GRM8: variants seen among roughly 807,000 people sequenced by gnomAD.
The protein encoded by GRM8 is glutamate metabotropic receptor 8.
A neutral mutation model predicts 87.2 loss-of-function variants in GRM8; 47 were observed. The ratio of observed to expected loss-of-function variants is 0.54; its 90% CI spans 0.43 to 0.69. The LOEUF is 0.69. Among genes scored for constraint, GRM8 ranks in the 30% least tolerant of loss-of-function variants. GRM8 has a pLI of 0.00. For missense variants in GRM8, 1,019 were observed against 1,139.2 expected, an observed-to-expected ratio of 0.89 and a Z score of 1.52; for synonymous variants, 396 against 404.5, an observed-to-expected ratio of 0.98 and a Z score of 0.25.
intron 9 of GRM8, among the ~76,000 whole-genome samples, chr7:126,463,442 A>G (rs1804122905): frequency 6.6e-6 from 1 of 151,606 alleles, no homozygotes; most frequent in Non-Finnish European, 1.5e-5. Context: ...ATGAAATTAC[A>G]GTATCCTCAG....
chr7:126,830,022 A>T (rs1159437812), intron 6 of GRM8, among the ~76,000 whole-genome samples: 1 of 152,152 alleles, frequency 6.6e-6, no homozygotes. Flanking sequence ...AGAATGTTGA[A>T]TATTGGCCCC....
rs3038866 is a variant in GRM8, at chr7:126,816,732, T to TTGTGTGTG, written c.1157-46675_1157-46668dup. Among the ~76,000 whole-genome samples, 497 of 145,928 alleles carry TTGTGTGTG rather than the reference T, an allele frequency of 3.4e-3. 3 individuals are homozygous for TTGTGTGTG. Among genetic ancestry groups the TTGTGTGTG allele is most frequent in the African/African-American group, 0.011 (445 of 39,326 alleles). ...ACCTAATGTGAGATAGTATATGATT[T>TTGTGTGTG]TGTGTGTGTGTGTGTGTGTGTGTGT... On this transcript the variant is annotated intron_variant, in intron 6 of 10. Coordinates refer to ENST00000339582, the MANE Select transcript of GRM8 (RefSeq NM_000845.3).
chr7:126,851,941 A>G, intron 6 of GRM8, among the ~76,000 whole-genome samples: 1 of 152,180 alleles, frequency 6.6e-6, no homozygotes, highest in East Asian at 1.9e-4. Flanking sequence ...CTGTATAAAG[A>G]GTACTCAGTA....
intron 7 of GRM8, among the ~76,000 whole-genome samples, chr7:126,742,815 T>G (rs1205964795): frequency 1.3e-5 from 2 of 152,126 alleles, no homozygotes; most frequent in Non-Finnish European, 2.9e-5. Context: ...CTAATTCTGG[T>G]CACTAGTTAA....
chr7:126,966,889 G>T (rs1286849792), intron 3 of GRM8, among the ~76,000 whole-genome samples: 1 of 152,178 alleles, frequency 6.6e-6, no homozygotes. Flanking sequence ...AAGTCATGGG[G>T]CAGGAACAGC....
intron 9 of GRM8, among the ~76,000 whole-genome samples, chr7:126,484,497 G>A (rs570108726): frequency 9.2e-5 from 14 of 152,104 alleles, no homozygotes; most frequent in East Asian, 1.9e-4. Context: ...ACGTCTAGAC[G>A]AATTTAAAGT....
At chr7:126,527,597 G>A (rs772118047) in intron 9 of GRM8, among the ~76,000 whole-genome samples, 2 of 152,104 alleles carry the variant, frequency 1.3e-5, no homozygotes, top group African/African-American at 2.4e-5. Flanking sequence ...CACTATTTCC[G>A]CAGGATTTTC....
intron 1 of GRM8, among the ~76,000 whole-genome samples, chr7:127,247,733 A>C (rs1798652165): frequency 6.6e-6 from 1 of 152,156 alleles, no homozygotes. Flanking sequence ...CTGTGAAACG[A>C]GTGAGATGGA....
At chr7:126,670,608 A>T (rs2151304893) in intron 7 of GRM8, among the ~76,000 whole-genome samples, 1 of 152,340 alleles carries the variant, frequency 6.6e-6, no homozygotes, top group East Asian at 1.9e-4. Context: ...TACAACTTTA[A>T]CAGGTACTTT....
chr7:127,033,287 C>T (rs17869778), intron 3 of GRM8, among the ~76,000 whole-genome samples: 2,393 of 151,934 alleles, frequency 0.016, 71 homozygotes, highest in African/African-American at 0.055. Context: ...AAATCTTCAG[C>T]TTTTAATTTT....
In GRM8 at chr7:126,831,372, G is replaced by A. The variant is rs557579373; in HGVS notation, c.1157-61307C>T. ...GGGCTCCACCCAGTTCGAGCTTCCC[G>A]GCTGCTTTGTTTACCTAAGCAAGCC... On this transcript the variant is annotated intron_variant, in intron 6 of 10. Coordinates refer to ENST00000339582, the MANE Select transcript of GRM8 (RefSeq NM_000845.3). 5.4e-3 allele frequency among the ~76,000 whole-genome samples: 825 copies of A among 152,288 alleles called. 6 individuals carry two copies. Among genetic ancestry groups the A allele is most frequent in the Middle Eastern group, 0.02 (6 of 294 alleles).
chr7:126,728,493 C>G (rs73720748), intron 7 of GRM8, among the ~76,000 whole-genome samples: 3,673 of 152,154 alleles, frequency 0.024, 150 homozygotes, highest in African/African-American at 0.084. Flanking sequence ...TTCCAATTGT[C>G]TTCTCAATCT....
At chr7:127,005,510 G>C (rs1814195870) in intron 3 of GRM8, among the ~76,000 whole-genome samples, 1 of 151,738 alleles carries the variant, frequency 6.6e-6, no homozygotes, top group Non-Finnish European at 1.5e-5. Flanking sequence ...AGGCCAGGCT[G>C]TGAACTATTT....
intron 5 of GRM8, among the ~76,000 whole-genome samples, chr7:126,903,599 C>T: frequency 8.2e-6 from 1 of 122,298 alleles, no homozygotes; most frequent in African/African-American, 3.1e-5. Context: ...CACACACACA[C>T]ACTATATACA....
In GRM8 at chr7:126,944,460, G is replaced by C. The variant is rs114877564; in HGVS notation, c.728-39777C>G. Among the ~76,000 whole-genome samples the C allele has an allele frequency of 4.5e-3, 690 of 152,286 alleles. 6 individuals carry two copies. The highest frequency in any genetic ancestry group is 0.016 in the African/African-American group (663 of 41,554). On this transcript the variant is annotated intron_variant, in intron 3 of 10. Coordinates refer to ENST00000339582, the MANE Select transcript of GRM8 (RefSeq NM_000845.3). The stretch of plus-strand genomic sequence containing the variant: ...ATGAGGGCTGCACAGGCTTTGAGGA[G>C]AGGATTGGGAAACCCCCAACGCAGC...
intron 3 of GRM8, among the ~76,000 whole-genome samples, chr7:126,966,253 G>A (rs1809850736): frequency 1.3e-5 from 2 of 152,030 alleles, no homozygotes; most frequent in Non-Finnish European, 2.9e-5. Flanking sequence ...TCCCACCTCA[G>A]CCCCACAAGT....
At chr7:126,503,193 A>G (rs1033309878) in intron 9 of GRM8, among the ~76,000 whole-genome samples, 4 of 151,990 alleles carry the variant, frequency 2.6e-5, no homozygotes, top group African/African-American at 9.7e-5. Context: ...TGGGGGAATG[A>G]GGCTCACATG....
intron 2 of GRM8, among the ~76,000 whole-genome samples, chr7:127,225,874 A>T (rs1797289524): frequency 6.6e-6 from 1 of 151,724 alleles, no homozygotes; most frequent in Non-Finnish European, 1.5e-5. Flanking sequence ...GTGTTTCTAG[A>T]CCCTTAACTT....
intron 9 of GRM8, among the ~76,000 whole-genome samples, chr7:126,499,051 T>C (rs1369767717): frequency 1.3e-5 from 2 of 151,976 alleles, no homozygotes; most frequent in African/African-American, 2.4e-5. Flanking sequence ...GGAGAATCTA[T>C]GAGAGATTTA....
Sources: allele counts gnomAD v4.1 joint callset (sites outside exome capture counted in the v4.1 genomes callset), GRCh38; gene constraint gnomAD v4.1.1; transcripts MANE v1.5; gene names NCBI Gene and HGNC (gene_info 2026-07-23, HGNC 2026-07-21).